Variants in CSMD1 observed in about 807,000 individuals in gnomAD.
CSMD1 encodes CUB and Sushi multiple domains 1, also known as CUB and sushi domain-containing protein 1.
CSMD1 carries 213 observed loss-of-function variants against 417.5 expected under a neutral mutation model. The observed-to-expected ratio is 0.51, with a 90% CI of 0.46 to 0.57. CSMD1 has a LOEUF of 0.57. Among genes scored for constraint, CSMD1 ranks in the 20% least tolerant of loss-of-function variants. The pLI is 0.00. For missense variants in CSMD1, 6,923 were observed against 4,529.7 expected (o/e 1.53, Z -15.17); for synonymous variants, 2,862 against 1,736.8 (o/e 1.65, Z -16.11).
intron 1 of CSMD1, among the ~76,000 whole-genome samples, chr8:4,919,837 C>A (rs1806318324): frequency 6.6e-6 from 1 of 152,082 alleles, no homozygotes; most frequent in Non-Finnish European, 1.5e-5. Flanking sequence ...TCCCCTTTTG[C>A]CCTTTCACCT....
intron 2 of CSMD1, among the ~76,000 whole-genome samples, chr8:4,498,531 A>G (rs776516052): frequency 6.6e-6 from 1 of 152,118 alleles, no homozygotes; most frequent in African/African-American, 2.4e-5. Context: ...AATTTTAGGG[A>G]GGGATAGGAG....
chr8:3,256,854 A>T (rs544987560), intron 26 of CSMD1, among the ~76,000 whole-genome samples: 2 of 152,348 alleles, frequency 1.3e-5, no homozygotes, highest in South Asian at 4.1e-4. Context: ...TTTCCAAGGT[A>T]GTTATGTTAG....
chr8:3,921,836 G>C (rs1032373202), intron 5 of CSMD1, among the ~76,000 whole-genome samples: 17 of 152,128 alleles, frequency 1.1e-4, no homozygotes, highest in Admixed American at 7.9e-4. Flanking sequence ...TTTGTGCAAA[G>C]CTTAGAAAAA....
chr8:4,918,273 G>C (rs186369766), intron 1 of CSMD1, among the ~76,000 whole-genome samples: 1 of 152,130 alleles, frequency 6.6e-6, no homozygotes, highest in Non-Finnish European at 1.5e-5. Context: ...TGAGCTTTCT[G>C]GGACAGACTT....
At chr8:4,623,478 ATGTT>A (rs1358955018) in intron 2 of CSMD1, among the ~76,000 whole-genome samples, 6 of 152,170 alleles carry the variant, frequency 3.9e-5, no homozygotes, top group Non-Finnish European at 7.3e-5. Context: ...CCACTCTTGA[ATGTT>A]TGACCACAGT....
At chr8:4,356,885 A>T (rs1346926174) in intron 3 of CSMD1, among the ~76,000 whole-genome samples, 1 of 152,202 alleles carries the variant, frequency 6.6e-6, no homozygotes, top group African/African-American at 2.4e-5. Flanking sequence ...CTGAAACTAT[A>T]ATGAATTTAG....
intron 68 of CSMD1, among the ~76,000 whole-genome samples, chr8:2,944,635 C>T (rs1180160528): frequency 6.6e-6 from 1 of 151,998 alleles, no homozygotes; most frequent in Non-Finnish European, 1.5e-5. Context: ...CTCTTGACTC[C>T]TCAGAACCTG....
chr8:3,863,779 T>G (rs1472133282), intron 5 of CSMD1, among the ~76,000 whole-genome samples: 8 of 152,184 alleles, frequency 5.3e-5, no homozygotes, highest in Non-Finnish European at 1.2e-4. Context: ...TTCTACTAGT[T>G]TTTCTGCTTA....
intron 1 of CSMD1, among the ~76,000 whole-genome samples, chr8:4,936,834 A>G (rs962727644): frequency 2.0e-5 from 3 of 152,232 alleles, no homozygotes; most frequent in African/African-American, 7.2e-5. Flanking sequence ...GCTGCTAAAT[A>G]AAAATAATAC....
At chr8:4,529,387 C>G (rs1469390820) in intron 2 of CSMD1, among the ~76,000 whole-genome samples, 1 of 152,128 alleles carries the variant, frequency 6.6e-6, no homozygotes, top group Admixed American at 6.6e-5. Context: ...TAAATCAATA[C>G]CACTTCTCTG....
chr8:4,794,033 T>C (rs1797841422), intron 1 of CSMD1, among the ~76,000 whole-genome samples: 1 of 152,182 alleles, frequency 6.6e-6, no homozygotes, highest in African/African-American at 2.4e-5. Context: ...TAAAACTATC[T>C]TAGTGCTCTT....
chr8:4,174,982 A>T lies in CSMD1; in HGVS notation c.416-142883T>A, dbSNP rs1323387204. On this transcript the variant is annotated intron_variant, in intron 3 of 69. Coordinates refer to ENST00000635120, the MANE Select transcript of CSMD1 (RefSeq NM_033225.6). ...ATTAGTATTGATGGCTCTTTGAGAT[A>T]CTTGCTGAATTGGAATCTCTTATCT... 2.6e-5 allele frequency among the ~76,000 whole-genome samples: 4 copies of T among 151,524 alleles called. No individual in the cohort carries two copies. The East Asian group carries it at 7.9e-4, about 30-fold the overall frequency.
At position 3,862,718 on chromosome 8, in the gene CSMD1, T is replaced by G. The variant is rs569168269; in HGVS notation, c.819-108676A>C. 3.9e-5 allele frequency among the ~76,000 whole-genome samples: 6 copies of G among 152,262 alleles called. No individual in the cohort carries two copies. In the South Asian group the frequency reaches 1.2e-3, roughly 32 times the overall value. On this transcript the variant is annotated intron_variant, in intron 5 of 69. Transcript: ENST00000635120. ...GAATTCAAATGATCTCCAAAACAAC[T>G]GAGTAAGGGAGGCTAGGAGAAATGA...
At chr8:3,317,019 A>G (rs531398876) in intron 23 of CSMD1, among the ~76,000 whole-genome samples, 2 of 152,214 alleles carry the variant, frequency 1.3e-5, no homozygotes, top group East Asian at 3.9e-4. Flanking sequence ...AGCATGCACA[A>G]ATACTATTTT....
chr8:4,934,340 A>G (rs1217676308), intron 1 of CSMD1, among the ~76,000 whole-genome samples: 1 of 152,322 alleles, frequency 6.6e-6, no homozygotes, highest in Non-Finnish European at 1.5e-5. Context: ...CCTATGTATT[A>G]AATTCAAAAT....
chr8:4,121,205 C>T (rs1378967579), intron 3 of CSMD1, among the ~76,000 whole-genome samples: 1 of 152,108 alleles, frequency 6.6e-6, no homozygotes, highest in African/African-American at 2.4e-5. Flanking sequence ...ACCTCTGCCT[C>T]TCGGGTTCAA....
At chr8:3,708,668 G>C (rs976770856) in intron 6 of CSMD1, among the ~76,000 whole-genome samples, 177 bp from the exon 7 acceptor site, 1 of 152,164 alleles carries the variant, frequency 6.6e-6, no homozygotes. Flanking sequence ...AATAATTATT[G>C]TGAGGCTATC....
intron 10 of CSMD1, among the ~76,000 whole-genome samples, chr8:3,498,608 T>C (rs909466897): frequency 9.2e-5 from 14 of 152,218 alleles, no homozygotes; most frequent in African/African-American, 3.1e-4. Context: ...CTTTCTGATC[T>C]CTTCTCCTTC....
At chr8:4,835,042 A>G (rs760853601) in intron 1 of CSMD1, among the ~76,000 whole-genome samples, 1 of 150,474 alleles carries the variant, frequency 6.6e-6, no homozygotes, top group African/African-American at 2.4e-5. Flanking sequence ...GGAACAAATG[A>G]TGACATTTCT....
Sources: allele counts gnomAD v4.1 joint callset (sites outside exome capture counted in the v4.1 genomes callset), GRCh38; gene constraint gnomAD v4.1.1; transcripts MANE v1.5; gene names NCBI Gene and HGNC (gene_info 2026-07-23, HGNC 2026-07-21).